COL23A1: variants seen among roughly 807,000 people sequenced by gnomAD.
The protein encoded by COL23A1 is collagen alpha-1(XXIII) chain.
Under a neutral mutation model 99.3 loss-of-function variants are expected in COL23A1, and 97 were observed. That is an observed-to-expected ratio of 0.98 (90% CI 0.83 to 1.16). The LOEUF is 1.16. Among genes scored for constraint, COL23A1 ranks in the 50% most tolerant of loss-of-function variants. COL23A1 has a pLI of 0.00. For missense variants in COL23A1, 762 were observed against 757.4 expected (o/e 1.01, Z -0.07); for synonymous variants, 320 against 308.2 (o/e 1.04, Z -0.40).
chr5:178,281,828 T>C lies in COL23A1; in HGVS notation c.441+6496A>G, dbSNP rs557516569. Among the ~76,000 whole-genome samples the C allele has an allele frequency of 7.7e-4, 117 of 152,124 alleles. 1 individual carries two copies. Among genetic ancestry groups the C allele is most frequent in the African/African-American group, 2.4e-3 (99 of 41,512 alleles). ...ACTTTGGGAGGCCGAGGTGGTCAGA[T>C]TGCCTGAGCTCAGGAGTTTGAGACC... On this transcript the variant is annotated intron_variant, in intron 5 of 28. Transcript: ENST00000390654. This position sits in a 1 kb window ranked among gnomAD's most constrained non-coding sequence, Gnocchi z 4.0.
chr5:178,492,404 G>A (rs1470558200), intron 2 of COL23A1, among the ~76,000 whole-genome samples: 2 of 152,106 alleles, frequency 1.3e-5, no homozygotes, highest in Non-Finnish European at 2.9e-5. Context: ...GTGTGAGGAC[G>A]CAGGGAAGGC....
At chr5:178,344,309 A>C (rs1362925269) in intron 2 of COL23A1, among the ~76,000 whole-genome samples, 1 of 152,176 alleles carries the variant, frequency 6.6e-6, no homozygotes, top group Non-Finnish European at 1.5e-5. Context: ...GTTACACTGT[A>C]TTTTACACAG....
At chr5:178,545,891 C>T (rs1015432227) in intron 2 of COL23A1, among the ~76,000 whole-genome samples, 1 of 152,172 alleles carries the variant, frequency 6.6e-6, no homozygotes, top group South Asian at 2.1e-4. Flanking sequence ...CTCAGTTTAT[C>T]CTCAAAACAA....
At chr5:178,260,893 T>C (rs942617186) in intron 11 of COL23A1, among the ~76,000 whole-genome samples, 6 of 152,186 alleles carry the variant, frequency 3.9e-5, no homozygotes, top group African/African-American at 1.4e-4. Context: ...AAATACTCCA[T>C]GACACCACAG....
rs10545443 is a variant in COL23A1 at position 178,565,110 on chromosome 5, TAA to T, written c.295-4364_295-4363del. Among the ~76,000 whole-genome samples, 281 of 152,222 alleles carry T rather than the reference TAA, an allele frequency of 1.8e-3. 1 individual carries two copies. In the East Asian group the frequency reaches 0.026, roughly 14 times the overall value. ...GGAAAAATGCTTATGCTACAATAAA[TAA>T]AATGTCTACATTGACGTAGAAACAC... On this transcript the variant is annotated intron_variant, in intron 1 of 28. Coordinates refer to ENST00000390654, the MANE Select transcript of COL23A1 (RefSeq NM_173465.4).
intron 2 of COL23A1, among the ~76,000 whole-genome samples, chr5:178,450,529 C>T (rs1178535331): frequency 2.6e-5 from 4 of 152,106 alleles, no homozygotes; most frequent in Non-Finnish European, 4.4e-5. Flanking sequence ...AGCTGGGTGT[C>T]CACAGCCTCC....
chr5:178,493,096 ATT>A (rs1758016089), intron 2 of COL23A1, among the ~76,000 whole-genome samples: 1 of 152,174 alleles, frequency 6.6e-6, no homozygotes, highest in Admixed American at 6.5e-5. Flanking sequence ...CTGACTAGCT[ATT>A]CCTGTTCTCC....
In COL23A1 at chr5:178,280,481, A is replaced by G. The variant is rs548318564; in HGVS notation, c.441+7843T>C. ...AGACCCCTGGGCCCATTCTGTCTCC[A>G]CTGCATGGGCTGGACATCGTGCCAG... On this transcript the variant is annotated intron_variant, in intron 5 of 28. Transcript: ENST00000390654. This position sits in a 1 kb window ranked among gnomAD's most constrained non-coding sequence, Gnocchi z 4.9. Among the ~76,000 whole-genome samples the G allele has an allele frequency of 1.3e-5, 2 of 152,132 alleles. No individual in the cohort carries two copies. Among genetic ancestry groups the G allele is most frequent in the Admixed American group, 6.5e-5 (1 of 15,300 alleles).
intron 2 of COL23A1, among the ~76,000 whole-genome samples, chr5:178,358,677 A>T (rs113065564): frequency 1.8e-5 from 1 of 57,000 alleles, no homozygotes; most frequent in Non-Finnish European, 3.6e-5. Context: ...TCTAATGTGT[A>T]TGTGTATGTG....
intron 2 of COL23A1, among the ~76,000 whole-genome samples, chr5:178,403,915 C>T (rs1764609038): frequency 6.6e-6 from 1 of 152,258 alleles, no homozygotes; most frequent in African/African-American, 2.4e-5. Context: ...CTCGAAGCCA[C>T]AGGCTTGTCC....
chr5:178,568,421 G>C (rs1401858244), intron 1 of COL23A1, among the ~76,000 whole-genome samples: 14 of 151,650 alleles, frequency 9.2e-5, no homozygotes, highest in African/African-American at 3.4e-4. Context: ...TTATTTTTTA[G>C]AATGGATTTA....
Position 178,544,594 on chromosome 5 carries a change from G to A in COL23A1, c.361+16088C>T, listed in dbSNP as rs973051167. 1.3e-5 allele frequency among the ~76,000 whole-genome samples: 2 copies of A among 152,200 alleles called. No individual in the cohort carries two copies. The highest frequency in any genetic ancestry group is 2.9e-5 in the Non-Finnish European group (2 of 68,026). On this transcript the variant is annotated intron_variant, in intron 2 of 28. Transcript: ENST00000390654. The surrounding 1 kb of genome is among the most constrained non-coding windows in gnomAD (Gnocchi z 4.4). ...TGTCCCTCCTGGGTACAGCTGACAT[G>A]TGAGCAAGCACTTTGGCCAGCACAG... is the stretch of plus-strand genomic sequence containing the variant.
chr5:178,519,868 A>G (rs533384997), intron 2 of COL23A1, among the ~76,000 whole-genome samples: 1 of 151,356 alleles, frequency 6.6e-6, no homozygotes, highest in South Asian at 2.1e-4. Flanking sequence ...TTGGGTGAAT[A>G]GATGGTCAGA....
intron 2 of COL23A1, among the ~76,000 whole-genome samples, chr5:178,398,346 G>A (rs1320323709): frequency 6.6e-6 from 1 of 152,206 alleles, no homozygotes; most frequent in African/African-American, 2.4e-5. Flanking sequence ...AAAATTCTCA[G>A]CTGGGCATGG....
chr5:178,585,979 A>G (rs889689802), intron 1 of COL23A1, among the ~76,000 whole-genome samples: 3 of 152,198 alleles, frequency 2.0e-5, no homozygotes, highest in African/African-American at 7.2e-5. Context: ...ATTGAAATTA[A>G]AGAGACAACC....
chr5:178,247,573 TAAG>T lies in COL23A1; in HGVS notation c.1270-24_1270-22del, dbSNP rs772823761. ...AGGCCCTGCAGGAGGAGGAAGCAGATAAGAAGGCTGGCTCCGGACCCTCTTGCA... is the reference window on the plus strand; with the variant it reads ...AGGCCCTGCAGGAGGAGGAAGCAGATAAGGCTGGCTCCGGACCCTCTTGCA... On this transcript the variant is annotated intron_variant, in intron 21 of 28. Transcript: ENST00000390654. 3.0e-5 allele frequency: 49 copies of T among 1,613,884 alleles called. 1 individual carries two copies. Among genetic ancestry groups the T allele is most frequent in the East Asian group, 4.5e-5 (2 of 44,862 alleles).
intron 3 of COL23A1, among the ~76,000 whole-genome samples, chr5:178,293,240 G>A (rs1315815272): frequency 6.6e-6 from 1 of 152,096 alleles, no homozygotes. Context: ...CGGTGTGGGG[G>A]AGGAGGGGAG....
At chr5:178,403,644 A>G (rs1342694086) in intron 2 of COL23A1, among the ~76,000 whole-genome samples, 1 of 152,240 alleles carries the variant, frequency 6.6e-6, no homozygotes, top group Non-Finnish European at 1.5e-5. Context: ...ATCTTCAGGT[A>G]CCTTTCAGAG....
intron 2 of COL23A1, among the ~76,000 whole-genome samples, chr5:178,487,397 G>T (rs1471880014): frequency 6.6e-6 from 1 of 151,834 alleles, no homozygotes; most frequent in Non-Finnish European, 1.5e-5. Flanking sequence ...GCAGCTCACT[G>T]CAACCTCTGC....
Sources: allele counts gnomAD v4.1 joint callset (sites outside exome capture counted in the v4.1 genomes callset), GRCh38; gene constraint gnomAD v4.1.1; non-coding constraint Gnocchi (gnomAD v3.1); transcripts MANE v1.5; gene names NCBI Gene and HGNC (gene_info 2026-07-23, HGNC 2026-07-21).